The following TXNDC15 variants were observed in gnomAD, a reference collection of about 807,000 sequenced individuals.
TXNDC15 encodes the protein thioredoxin domain-containing protein 15.
Under a neutral mutation model 35.0 loss-of-function variants are expected in TXNDC15, and 24 were observed. That is an observed-to-expected ratio of 0.68 (90% CI 0.50 to 0.96). The LOEUF (loss-of-function observed/expected upper bound fraction) is 0.96, where lower values mean the gene tolerates loss of function less well. TXNDC15 is among the 40% of genes least tolerant of loss of function. The pLI, the probability that TXNDC15 is intolerant of heterozygous loss-of-function variation, is 0.00. For missense variants in TXNDC15, 385 were observed against 453.3 expected (o/e 0.85, Z 1.37); for synonymous variants, 169 against 174.0 (o/e 0.97, Z 0.23).
chr5:134,896,789 G>A (rs1167901489), intron 4 of TXNDC15, among the ~76,000 whole-genome samples: 1 of 151,366 alleles, frequency 6.6e-6, no homozygotes, highest in African/African-American at 2.4e-5. Context: ...GACTACAGGC[G>A]CCCGCCACCA....
At chr5:134,894,620 C>T (rs1750453506) in intron 3 of TXNDC15, among the ~76,000 whole-genome samples, 1 of 152,116 alleles carries the variant, frequency 6.6e-6, no homozygotes, top group Non-Finnish European at 1.5e-5. Context: ...CTCGGCCTCC[C>T]AAAGTGCTGG....
intron 1 of TXNDC15, 40 bp downstream of exon 1, chr5:134,874,570 G>C: frequency 6.6e-7 from 1 of 1,516,998 alleles, no homozygotes; most frequent in Non-Finnish European, 8.9e-7. Flanking sequence ...ATGATGGGGC[G>C]AGCTGAGGTC....
chr5:134,874,443 G>A lies in TXNDC15; in HGVS notation c.16G>A (p.Gly6Ser), dbSNP rs1325770813. 4 of 1,601,494 alleles carry A rather than the reference G, an allele frequency of 2.5e-6. No individual in the cohort carries two copies. The highest frequency in any genetic ancestry group is 1.7e-5 in the Admixed American group (1 of 59,534). Reference protein sequence around the residue: MVPAAGRRPPRVMRLL... With the variant: MVPAASRRPPRVMRLL... The stretch of plus-strand genomic sequence containing the variant: ...GGCCTGGGCAATGGTCCCGGCTGCC[G>A]GTCGACGACCGCCCCGCGTCATGCG... Residue 6 changes from glycine to serine, a missense_variant, in exon 1 of 5, where the codon GGT becomes AGT. By Grantham distance (56) the Gly-to-Ser change is moderately conservative. Coordinates refer to ENST00000358387, the MANE Select transcript of TXNDC15 (RefSeq NM_024715.4).
intron 1 of TXNDC15, among the ~76,000 whole-genome samples, chr5:134,882,095 G>A (rs1165476387): frequency 1.3e-5 from 2 of 150,992 alleles, no homozygotes; most frequent in Admixed American, 6.6e-5. Context: ...CAGACAGGGC[G>A]GTTGCCAGGC....
intron 1 of TXNDC15, among the ~76,000 whole-genome samples, chr5:134,882,890 T>C (rs1036504638): frequency 3.9e-5 from 6 of 152,226 alleles, no homozygotes; most frequent in Admixed American, 1.3e-4. Flanking sequence ...GTTCTATTGC[T>C]ATCTTCAAGT....
In TXNDC15 at chr5:134,900,695, G is replaced by C. The variant is rs1750583845; in HGVS notation, c.*1010G>C. The stretch of plus-strand genomic sequence containing the variant: ...CCATCTCAAAAACAAACAAAAAGAA[G>C]TATTGAAGTGTAAAACACTGTTCTT... On this transcript the variant is annotated 3_prime_UTR_variant, in exon 5 of 5. Coordinates refer to ENST00000358387, the MANE Select transcript of TXNDC15 (RefSeq NM_024715.4). 6.6e-6 allele frequency: 1 copy of C among 151,974 alleles called. No individual in the cohort carries two copies. The highest frequency in any genetic ancestry group is 1.5e-5 in the Non-Finnish European group (1 of 68,042). 9.4% of individuals were successfully genotyped at this position (151,974 alleles called of 1,614,324 possible).
At chr5:134,889,224 G>A (rs1342892314) in intron 2 of TXNDC15, among the ~76,000 whole-genome samples, 1 of 152,092 alleles carries the variant, frequency 6.6e-6, no homozygotes, top group Non-Finnish European at 1.5e-5. Context: ...CAGGGACGGT[G>A]TACCCTTTTT....
chr5:134,876,018 A>G (rs2150182915), intron 1 of TXNDC15, among the ~76,000 whole-genome samples: 1 of 152,320 alleles, frequency 6.6e-6, no homozygotes, highest in Non-Finnish European at 1.5e-5. Flanking sequence ...TGCTCATTTT[A>G]TAGAAGTAAC....
intron 1 of TXNDC15, among the ~76,000 whole-genome samples, chr5:134,885,936 A>C (rs1051058670): frequency 1.3e-5 from 2 of 152,200 alleles, no homozygotes; most frequent in African/African-American, 4.8e-5. Flanking sequence ...AATGTTTTTG[A>C]ATCTCTGAAT....
In TXNDC15 at chr5:134,874,458, C is replaced by T. The variant is rs748547534; in HGVS notation, c.31C>T (p.Arg11Cys). 1.2e-5 allele frequency: 20 copies of T among 1,604,838 alleles called. 1 individual carries two copies. The South Asian group carries it at 2.2e-4, about 18-fold the overall frequency. Residue 11 changes from arginine (R) to cysteine (C), a missense_variant, in exon 1 of 5, where the codon CGC becomes TGC. Transcript: ENST00000358387. Reference protein sequence around the residue: MVPAAGRRPPRVMRLLGWWQV... With the variant: MVPAAGRRPPCVMRLLGWWQV... ...CCCGGCTGCCGGTCGACGACCGCCC[C>T]GCGTCATGCGGCTCCTCGGCTGGTG...
At chr5:134,887,630 G>A in intron 1 of TXNDC15, 65 bp from the exon 2 acceptor site, 11 of 1,513,104 alleles carry the variant, frequency 7.3e-6, no homozygotes, top group Non-Finnish European at 9.7e-6. Flanking sequence ...GAGGGGAACT[G>A]TAATTCTTTG....
Position 134,896,322 on chromosome 5 carries a change from G to T in TXNDC15, c.784G>T (p.Val262Phe), listed in dbSNP as rs747005776. The change falls in exon 4 of 5, where the codon GTT (valine) becomes TTT (phenylalanine). Residue 262 changes from valine to phenylalanine, a missense_variant. Transcript: ENST00000358387. Reference protein sequence around the residue: ...SLSTRFGTVAVPNILLFQGAK... With the variant: ...SLSTRFGTVAFPNILLFQGAK... ...TTCTACCAGGTTTGGCACCGTAGCTGTTCCTAATATTTTATTATTTCAAGG... is the reference window on the plus strand; with the variant it reads ...TTCTACCAGGTTTGGCACCGTAGCTTTTCCTAATATTTTATTATTTCAAGG... The T allele has an allele frequency of 3.7e-6, 6 of 1,613,682 alleles. No homozygotes were observed. The highest frequency in any genetic ancestry group is 5.1e-6 in the Non-Finnish European group (6 of 1,179,930).
chr5:134,887,855 C>G lies in TXNDC15; in HGVS notation c.264C>G (p.Gly88=). Residue 88 remains glycine, a synonymous_variant, in exon 2 of 5, where the codon GGC becomes GGG. Coordinates refer to ENST00000358387, the MANE Select transcript of TXNDC15 (RefSeq NM_024715.4). ...ANAVLGLDTQ[G]DHMVMLSVIP... ...CGGTGCTGGGGCTGGACACCCAAGGCGATCACATGGTGATGCTGTCTGTGA... is the reference window on the plus strand; with the variant it reads ...CGGTGCTGGGGCTGGACACCCAAGGGGATCACATGGTGATGCTGTCTGTGA... 1 of 1,614,126 alleles carries G rather than the reference C, an allele frequency of 6.2e-7. No individual in the cohort carries two copies. Among genetic ancestry groups the G allele is most frequent in the Non-Finnish European group, 8.5e-7 (1 of 1,180,032 alleles).
intron 1 of TXNDC15, among the ~76,000 whole-genome samples, chr5:134,882,972 AGTT>A (rs1223517116): frequency 6.6e-6 from 1 of 152,176 alleles, no homozygotes; most frequent in Non-Finnish European, 1.5e-5. Context: ...CAGACATTGT[AGTT>A]ATTATAATTT....
chr5:134,876,293 G>A (rs1204502834), intron 1 of TXNDC15, among the ~76,000 whole-genome samples: 1 of 152,176 alleles, frequency 6.6e-6, no homozygotes, highest in Non-Finnish European at 1.5e-5. Context: ...TGGAATGAGG[G>A]GAGAGTGAGG....
chr5:134,896,515 G>A (rs1006321136), intron 4 of TXNDC15, 91 bp downstream of exon 4: 1 of 1,499,122 alleles, frequency 6.7e-7, no homozygotes, highest in African/African-American at 1.4e-5. Context: ...ATCCTTAAGT[G>A]AAGGATTCAA....
chr5:134,893,680 G>T, intron 3 of TXNDC15, 25 bp downstream of exon 3: 2 of 1,613,380 alleles, frequency 1.2e-6, no homozygotes, highest in Non-Finnish European at 1.7e-6. Flanking sequence ...TGGGGTTTAC[G>T]TCCATCCTCC....
At chr5:134,897,806 C>T (rs1009533364) in intron 4 of TXNDC15, among the ~76,000 whole-genome samples, 3 of 151,930 alleles carry the variant, frequency 2.0e-5, no homozygotes, top group Non-Finnish European at 4.4e-5. Context: ...GCCAGGAGTT[C>T]GAGACCAGCC....
chr5:134,886,921 T>C (rs1349720492), intron 1 of TXNDC15, among the ~76,000 whole-genome samples: 1 of 152,256 alleles, frequency 6.6e-6, no homozygotes, highest in African/African-American at 2.4e-5. Context: ...TTGGTAACCC[T>C]TGTCTTGCCC....
Sources: gnomAD v4.1 joint callset for allele counts (sites outside exome capture counted in the v4.1 genomes callset) on GRCh38, gnomAD v4.1.1 for gene constraint, MANE v1.5 for transcripts, NCBI Gene and HGNC (gene_info 2026-07-23, HGNC 2026-07-21) for gene names.